PCDH10: variants seen among roughly 807,000 people sequenced by gnomAD.
The protein encoded by PCDH10 is protocadherin-10.
Under a neutral mutation model 74.4 loss-of-function variants are expected in PCDH10, and 15 were observed. That is an observed-to-expected ratio of 0.20 (90% confidence interval 0.13 to 0.31). PCDH10 has a LOEUF of 0.31. Ranked by LOEUF, PCDH10 falls within the 10% of genes least tolerant of loss-of-function variation. PCDH10 has a pLI of 1.00. For missense variants in PCDH10, 1,260 were observed against 1,390.2 expected (o/e 0.91, Z 1.49); for synonymous variants, 619 against 589.8 (o/e 1.05, Z -0.72).
intron 2 of PCDH10, among the ~76,000 whole-genome samples, chr4:133,207,217 A>G (rs1728026328): frequency 6.7e-6 from 1 of 149,850 alleles, no homozygotes; most frequent in Non-Finnish European, 1.5e-5. Flanking sequence ...TAAGGTTATT[A>G]TATTATATTA....
Position 133,169,208 on chromosome 4 carries a change from T to C in PCDH10, c.3103+5926T>C, listed in dbSNP as rs555424822. ...TTAGCTCTCATCTTTCATCTTTTTA[T>C]AAAGCTAATAGTTTTATATTTTCCT... On this transcript the variant is annotated intron_variant, in intron 4 of 4. Transcript: ENST00000264360. Among the ~76,000 whole-genome samples the C allele has an allele frequency of 3.3e-5, 5 of 151,950 alleles. No individual in the cohort carries two copies. In the South Asian group the frequency reaches 1.0e-3, roughly 31 times the overall value.
At chr4:133,168,440 T>C (rs1048971018) in intron 4 of PCDH10, among the ~76,000 whole-genome samples, 2 of 151,602 alleles carry the variant, frequency 1.3e-5, no homozygotes, top group African/African-American at 4.8e-5. Flanking sequence ...TAGTTTCTTT[T>C]ATCAATATAT....
At position 133,155,639 on chromosome 4, in the gene PCDH10, T is replaced by C. The variant is rs149373165; in HGVS notation, c.2797+616T>C. ...TATTTTTTGAAGTGTCCTTGGTTTC[T>C]TCATATTTTCAACAGGGTCCATGAC... On this transcript the variant is annotated intron_variant, in intron 3 of 4. Coordinates refer to ENST00000264360, the MANE Select transcript of PCDH10 (RefSeq NM_032961.3). Among the ~76,000 whole-genome samples the C allele has an allele frequency of 4.2e-4, 64 of 152,346 alleles. 1 individual carries two copies. The highest frequency in any genetic ancestry group is 1.3e-3 in the African/African-American group (55 of 41,578).
intron 4 of PCDH10, among the ~76,000 whole-genome samples, chr4:133,172,645 C>G (rs968485400): frequency 1.3e-5 from 2 of 151,930 alleles, no homozygotes; most frequent in African/African-American, 4.8e-5. Context: ...ATCCTAGTCT[C>G]TAACCAAAAA....
At chr4:133,183,001 G>A (rs1212255125) in intron 4 of PCDH10, among the ~76,000 whole-genome samples, 1 of 151,752 alleles carries the variant, frequency 6.6e-6, no homozygotes, top group Non-Finnish European at 1.5e-5. Flanking sequence ...TAGATCTTTA[G>A]AATACTGACG....
Position 133,184,757 on chromosome 4 carries a change from T to A in PCDH10, c.3104-5384T>A, listed in dbSNP as rs1560714253. Among the ~76,000 whole-genome samples, 7 of 118,232 alleles carry A rather than the reference T, an allele frequency of 5.9e-5. No individual in the cohort carries two copies. In the South Asian group the frequency reaches 1.9e-3, roughly 32 times the overall value. 77.6% of individuals were successfully genotyped at this position (118,232 alleles called of 152,430 possible). On this transcript the variant is annotated intron_variant, in intron 4 of 4. Transcript: ENST00000264360. The stretch of plus-strand genomic sequence containing the variant: ...TATATTATATATAATCTTGTGTATA[T>A]ATGTGTAAATATATAAATATATATA...
At chr4:133,201,460 A>G (rs1167838035) in intron 2 of PCDH10, among the ~76,000 whole-genome samples, 3 of 152,150 alleles carry the variant, frequency 2.0e-5, no homozygotes, top group Non-Finnish European at 4.4e-5. Flanking sequence ...TTGGGGTTGC[A>G]CTCAGGGACA....
At chr4:133,176,615 G>A (rs965612036) in intron 4 of PCDH10, among the ~76,000 whole-genome samples, 6 of 152,082 alleles carry the variant, frequency 3.9e-5, no homozygotes, top group Non-Finnish European at 8.8e-5. Flanking sequence ...CATCTGCAGT[G>A]TATATATTCT....
At chr4:133,184,932 G>A (rs1444363805) in intron 4 of PCDH10, among the ~76,000 whole-genome samples, 2 of 147,890 alleles carry the variant, frequency 1.4e-5, no homozygotes, top group East Asian at 3.9e-4. Flanking sequence ...ATATTATTAA[G>A]AGAATAGATG....
intron 2 of PCDH10, among the ~76,000 whole-genome samples, chr4:133,199,761 A>T (rs1578581987): frequency 1.4e-5 from 2 of 146,328 alleles, no homozygotes; most frequent in South Asian, 2.1e-4. Context: ...AGTTGTTTTT[A>T]ATTATTATTA....
In PCDH10 at chr4:133,152,203, G is replaced by A. The variant is rs1726728159; in HGVS notation, c.2063G>A (p.Gly688Glu). ...LVDGAVEPQGGGGSGGGGSGE... is the reference protein window; with the variant it reads ...LVDGAVEPQGEGGSGGGGSGE... ...GATGGCGCCGTGGAGCCCCAGGGCG[G>A]GGGCGGGAGCGGAGGCGGAGGGTCA... The change falls in exon 1 of 5, where the codon GGG becomes GAG. Residue 688 changes from glycine (G) to glutamate (E), a missense_variant. Gly to Glu is a moderately conservative substitution (Grantham distance 98). Around this residue, in one of 11 missense-constraint regions of PCDH10, gnomAD observed 587 missense variants for 616.9 expected, o/e 0.95. Transcript: ENST00000264360. 6.3e-7 allele frequency: 1 copy of A among 1,583,348 alleles called. No individual in the cohort carries two copies. The highest frequency in any genetic ancestry group is 1.2e-5 in the South Asian group (1 of 85,940).
chr4:133,187,289 T>C (rs969875722), intron 4 of PCDH10, among the ~76,000 whole-genome samples: 3 of 152,098 alleles, frequency 2.0e-5, no homozygotes, highest in Non-Finnish European at 4.4e-5. Context: ...ATGTGCCTGG[T>C]GTTAGGCATT....
At chr4:133,159,459 A>G (rs972329561) in intron 3 of PCDH10, among the ~76,000 whole-genome samples, 1 of 152,128 alleles carries the variant, frequency 6.6e-6, no homozygotes, top group Admixed American at 6.5e-5. Flanking sequence ...AGTAAAAGGT[A>G]TATGTTGAAA....
chr4:133,194,740 G>A (rs1454591822), downstream of PCDH10: 4 of 151,842 alleles, frequency 2.6e-5, no homozygotes, highest in Non-Finnish European at 5.9e-5. Flanking sequence ...AATATAACAG[G>A]TCTAAGGGGA....
At position 133,151,116 on chromosome 4, in the gene PCDH10, G is replaced by A; in HGVS notation, c.976G>A (p.Val326Met). The change falls in exon 1 of 5, where the codon GTG becomes ATG. Residue 326 changes from valine (V) to methionine (M), a missense_variant. Physicochemically the swap from Val to Met is conservative, Grantham distance 21. This residue lies in a region of PCDH10 where 192 missense variants were observed against 161.2 expected (regional missense o/e 1.19). Coordinates refer to ENST00000264360, the MANE Select transcript of PCDH10 (RefSeq NM_032961.3). ...LDYEESPVYQ[V>M]YVQAKDLGPN... ...CTATGAAGAGAGCCCAGTGTACCAAGTGTACGTGCAAGCCAAGGACCTGGG... is the reference window on the plus strand; with the variant it reads ...CTATGAAGAGAGCCCAGTGTACCAAATGTACGTGCAAGCCAAGGACCTGGG... The A allele has an allele frequency of 3.7e-6, 6 of 1,614,156 alleles. No homozygotes were observed. Among genetic ancestry groups the A allele is most frequent in the Non-Finnish European group, 5.1e-6 (6 of 1,180,036 alleles).
intron 4 of PCDH10, chr4:133,164,120 C>A: frequency 2.3e-6 from 1 of 428,550 alleles, no homozygotes; most frequent in South Asian, 1.7e-5. Context: ...CACAAATACC[C>A]CAGCATGATG....
chr4:133,203,493 G>T (rs966900570), intron 2 of PCDH10, among the ~76,000 whole-genome samples: 2 of 152,040 alleles, frequency 1.3e-5, no homozygotes, highest in African/African-American at 4.8e-5. Context: ...ATGCCATAGG[G>T]GTGTCATGGG....
intron 4 of PCDH10, among the ~76,000 whole-genome samples, chr4:133,183,156 CTCT>C (rs1727450379): frequency 6.6e-6 from 1 of 152,024 alleles, no homozygotes; most frequent in South Asian, 2.1e-4. Context: ...GTTGAAAGCA[CTCT>C]TCATTCATAT....
In PCDH10 at chr4:133,192,535, A is replaced by G. The variant is rs539504593; in HGVS notation, c.*2375A>G. ...TATTTAACCTTTTATATCATTGTAT[A>G]TAATCTCCTTTGAACCAACTTTTTT... On this transcript the variant is annotated 3_prime_UTR_variant, in exon 5 of 5. Transcript: ENST00000264360. The G allele has an allele frequency of 6.6e-6, 1 of 151,664 alleles. No individual in the cohort carries two copies. The highest frequency in any genetic ancestry group is 1.9e-4 in the East Asian group (1 of 5,184). The allele number at this position is 151,664 out of a possible 1,614,324, so 9.4% of individuals were successfully genotyped here.
Sources: allele counts gnomAD v4.1 joint callset (sites outside exome capture counted in the v4.1 genomes callset), GRCh38; gene constraint gnomAD v4.1.1; regional missense constraint gnomAD v4.1.1; transcripts MANE v1.5; gene names NCBI Gene and HGNC (gene_info 2026-07-23, HGNC 2026-07-21).